GNG7: variants seen among roughly 807,000 people sequenced by gnomAD.
GNG7 encodes the protein G protein subunit gamma 7, also known as guanine nucleotide-binding protein G(I)/G(S)/G(O) subunit gamma-7.
In GNG7, 1 loss-of-function variant was observed where a neutral mutation model predicts 4.0. That is an observed-to-expected ratio of 0.25 (90% CI 0.09 to 1.18). The LOEUF is 1.18. GNG7 is among the 50% of genes most tolerant of loss of function. GNG7 has a pLI of 0.50. For synonymous variants in GNG7, 34 were observed against 36.9 expected, an observed-to-expected ratio of 0.92 and a Z score of 0.29; for missense variants, 86 against 91.9, an observed-to-expected ratio of 0.94 and a Z score of 0.26.
intron 2 of GNG7, among the ~76,000 whole-genome samples, chr19:2,569,929 G>C (rs750148898): frequency 1.3e-5 from 2 of 152,154 alleles, no homozygotes; most frequent in Non-Finnish European, 2.9e-5. Context: ...CTAGAATCCA[G>C]CAGCACAGGA....
chr19:2,528,485 A>G (rs1978484302), intron 3 of GNG7, among the ~76,000 whole-genome samples: 1 of 146,398 alleles, frequency 6.8e-6, no homozygotes, highest in Non-Finnish European at 1.5e-5. Flanking sequence ...CAGGAGGCTG[A>G]GGCAGGAGAA....
chr19:2,581,668 G>C (rs1980509418), intron 2 of GNG7, among the ~76,000 whole-genome samples: 1 of 152,314 alleles, frequency 6.6e-6, no homozygotes, highest in Non-Finnish European at 1.5e-5. Context: ...ACTGTGACAT[G>C]TTCCTCAACA....
At chr19:2,568,597 A>G (rs1337081147) in intron 2 of GNG7, among the ~76,000 whole-genome samples, 1 of 151,950 alleles carries the variant, frequency 6.6e-6, no homozygotes, top group African/African-American at 2.4e-5. Context: ...ACACACATAT[A>G]TAGACATACA....
rs997564033 is a variant in GNG7, at chr19:2,637,992, G to T, written c.-78+8232C>A. On this transcript the variant is annotated intron_variant, in intron 2 of 4. Coordinates refer to ENST00000382159, the MANE Select transcript of GNG7 (RefSeq NM_052847.3). Reference sequence around the variant, plus strand: ...AGGAGATGAATCCCAGGAGCTGGGGGTCCCCCTGATTTACACCATCTGCCC... The same window carrying T: ...AGGAGATGAATCCCAGGAGCTGGGGTTCCCCCTGATTTACACCATCTGCCC... Among the ~76,000 whole-genome samples, 2 of 152,132 alleles carry T rather than the reference G, an allele frequency of 1.3e-5. 1 individual carries two copies. The highest frequency in any genetic ancestry group is 4.2e-4 in the South Asian group (2 of 4,814).
Position 2,516,623 on chromosome 19 carries a change from G to A in GNG7, c.82-1476C>T, listed in dbSNP as rs752333390. On this transcript the variant is annotated intron_variant, in intron 4 of 4. Transcript: ENST00000382159. ...TCAGGGACAGATGGACCCCGTTTTC[G>A]GAGTCCAAGACCTCATTCTCACCCC... Among the ~76,000 whole-genome samples the A allele has an allele frequency of 7.2e-5, 11 of 152,278 alleles. No homozygotes were observed. The East Asian group carries it at 7.7e-4, about 11-fold the overall frequency.
intron 3 of GNG7, among the ~76,000 whole-genome samples, chr19:2,547,330 G>A (rs1053747519): frequency 6.6e-6 from 1 of 152,022 alleles, no homozygotes; most frequent in Non-Finnish European, 1.5e-5. Flanking sequence ...GCACAGGCAG[G>A]GCTGGTCCCT....
intron 2 of GNG7, among the ~76,000 whole-genome samples, chr19:2,604,663 A>C (rs1981324096): frequency 7.9e-6 from 1 of 126,706 alleles, no homozygotes; most frequent in Non-Finnish European, 1.7e-5. Context: ...AAAAGAATGA[A>C]TGGAAGGAAG....
At chr19:2,637,217 C>CCCT (rs386388382) in intron 2 of GNG7, among the ~76,000 whole-genome samples, 1 of 151,892 alleles carries the variant, frequency 6.6e-6, no homozygotes, top group Admixed American at 6.6e-5. Flanking sequence ...CAGGCTCCCC[C>CCCT]CGCCCCCGAG....
intron 1 of GNG7, among the ~76,000 whole-genome samples, chr19:2,690,526 C>T (rs1367170257): frequency 1.3e-5 from 2 of 152,194 alleles, no homozygotes; most frequent in Non-Finnish European, 2.9e-5. Context: ...CCTTCCTCAG[C>T]TGCCTTTCTA....
chr19:2,691,599 G>A (rs1412014736), intron 1 of GNG7, among the ~76,000 whole-genome samples: 1 of 151,788 alleles, frequency 6.6e-6, no homozygotes, highest in Non-Finnish European at 1.5e-5. Flanking sequence ...GGGCGTGGTG[G>A]CTCACGCCTG....
At chr19:2,540,882 T>A (rs2144747304) in intron 3 of GNG7, among the ~76,000 whole-genome samples, 1 of 152,224 alleles carries the variant, frequency 6.6e-6, no homozygotes, top group South Asian at 2.1e-4. Context: ...CCAAGCATAG[T>A]TCTCATAGTT....
At position 2,626,208 on chromosome 19, in the gene GNG7, GGAACGT is replaced by G. The variant is rs1392358629; in HGVS notation, c.-78+20010_-78+20015del. On this transcript the variant is annotated intron_variant, in intron 2 of 4. Transcript: ENST00000382159. This position sits in a 1 kb window ranked among gnomAD's most constrained non-coding sequence, Gnocchi z 5.0. Reference sequence around the variant, plus strand: ...CCCACCTGACCCCGTGTCTCCAGCGGGAACGTGAAGCTGATGCTGCTCCCGCCCCAG... The same window carrying G: ...CCCACCTGACCCCGTGTCTCCAGCGGGAAGCTGATGCTGCTCCCGCCCCAG... Among the ~76,000 whole-genome samples the G allele has an allele frequency of 6.6e-6, 1 of 152,154 alleles. No individual in the cohort carries two copies. The highest frequency in any genetic ancestry group is 6.5e-5 in the Admixed American group (1 of 15,276).
intron 2 of GNG7, chr19:2,610,047 CG>C (rs1981511748): frequency 1.3e-5 from 2 of 152,140 alleles, no homozygotes; most frequent in African/African-American, 4.8e-5. Context: ...TTAGTATCAC[CG>C]GGTCAAGATG....
At chr19:2,602,205 T>C (rs1317557025) in intron 2 of GNG7, among the ~76,000 whole-genome samples, 1 of 152,042 alleles carries the variant, frequency 6.6e-6, no homozygotes, top group Non-Finnish European at 1.5e-5. Context: ...GGCGTGGTGG[T>C]GCACGCCTGT....
rs1021621543 is a variant in GNG7 at position 2,633,481 on chromosome 19, GCGCGCGCACA to G, written c.-78+12733_-78+12742del. Among the ~76,000 whole-genome samples, 13 of 80,352 alleles carry G rather than the reference GCGCGCGCACA, an allele frequency of 1.6e-4. No individual in the cohort carries two copies. Among genetic ancestry groups the G allele is most frequent in the African/African-American group, 4.3e-4 (11 of 25,296 alleles). 52.7% of individuals were successfully genotyped at this position (80,352 alleles called of 152,430 possible). Reference sequence around the variant, plus strand: ...GTTGCTTAGCAACAGGCGCGCGCGCGCGCGCGCACACACACACACACACACACACACACAC... The same window carrying G: ...GTTGCTTAGCAACAGGCGCGCGCGCGCACACACACACACACACACACACAC... On this transcript the variant is annotated intron_variant, in intron 2 of 4. Coordinates refer to ENST00000382159, the MANE Select transcript of GNG7 (RefSeq NM_052847.3). This position sits in a 1 kb window ranked among gnomAD's most constrained non-coding sequence, Gnocchi z 5.9.
intron 2 of GNG7, among the ~76,000 whole-genome samples, chr19:2,598,894 A>G (rs931296892): frequency 1.3e-5 from 2 of 152,148 alleles, no homozygotes; most frequent in African/African-American, 4.8e-5. Context: ...TTTTCAGTTG[A>G]AAGAAATGGA....
At chr19:2,680,554 T>C (rs1983705292) in intron 1 of GNG7, among the ~76,000 whole-genome samples, 1 of 151,574 alleles carries the variant, frequency 6.6e-6, no homozygotes, top group Admixed American at 6.6e-5. Flanking sequence ...TAAAATACAC[T>C]TAACACAAAA....
At chr19:2,527,076 C>T (rs1406020098) in intron 3 of GNG7, among the ~76,000 whole-genome samples, 1 of 152,046 alleles carries the variant, frequency 6.6e-6, no homozygotes, top group Non-Finnish European at 1.5e-5. Context: ...AAACTCCTGA[C>T]CTAGTGATCC....
At chr19:2,556,509 T>C (rs1389644842) in intron 2 of GNG7, among the ~76,000 whole-genome samples, 1 of 152,184 alleles carries the variant, frequency 6.6e-6, no homozygotes. Context: ...TGGGTTTTTT[T>C]CCACCGACAC....
Sources: gnomAD v4.1 joint callset for allele counts (sites outside exome capture counted in the v4.1 genomes callset) on GRCh38, gnomAD v4.1.1 for gene constraint, Gnocchi (gnomAD v3.1) non-coding constraint, MANE v1.5 for transcripts, NCBI Gene and HGNC (gene_info 2026-07-23, HGNC 2026-07-21) for gene names.